Variants in EXOC6B observed in about 807,000 individuals in gnomAD.
EXOC6B encodes the protein exocyst complex component 6B, also known as SEC15 homolog B.
Under a neutral mutation model 113.5 loss-of-function variants are expected in EXOC6B, and 54 were observed. The ratio of observed to expected loss-of-function variants is 0.48; its 90% CI spans 0.38 to 0.60. The LOEUF (loss-of-function observed/expected upper bound fraction) is 0.60, where lower values mean the gene tolerates loss of function less well. EXOC6B is among the 20% of genes least tolerant of loss of function. EXOC6B has a pLI of 0.00. For missense variants in EXOC6B, 797 were observed against 977.5 expected, an observed-to-expected ratio of 0.82 and a Z score of 2.46; for synonymous variants, 357 against 339.0, an observed-to-expected ratio of 1.05 and a Z score of -0.58.
At chr2:72,531,900 G>A (rs1339288501) in intron 8 of EXOC6B, among the ~76,000 whole-genome samples, 3 of 152,074 alleles carry the variant, frequency 2.0e-5, no homozygotes, top group African/African-American at 4.8e-5. Context: ...CAGGAGAATC[G>A]CTTGAACCCA....
At chr2:72,736,917 G>C (rs1681006513) in intron 2 of EXOC6B, among the ~76,000 whole-genome samples, 1 of 151,216 alleles carries the variant, frequency 6.6e-6, no homozygotes, top group Admixed American at 6.6e-5. Context: ...CACAGGTCCT[G>C]GCAGGAAACC....
chr2:72,575,555 A>G lies in EXOC6B; in HGVS notation c.783T>C (p.Thr261=). Residue 261 remains threonine (T), a synonymous_variant, in exon 7 of 22, where the codon ACT becomes ACC. Transcript: ENST00000272427. Reference sequence around the variant, plus strand: ...CTGAATCCTGTTCAGACTTCGGACTAGTACTTTCTATCTCTGTATCAAAGA... The same window carrying G: ...CTGAATCCTGTTCAGACTTCGGACTGGTACTTTCTATCTCTGTATCAAAGA... ...YIIFDTEIES[T]SPKSEQDSGI... 1 of 1,611,856 alleles carries G rather than the reference A, an allele frequency of 6.2e-7. No homozygotes were observed. The highest frequency in any genetic ancestry group is 1.1e-5 in the South Asian group (1 of 90,530).
intron 7 of EXOC6B, among the ~76,000 whole-genome samples, chr2:72,572,325 C>T (rs1314592324): frequency 6.6e-6 from 1 of 152,176 alleles, no homozygotes; most frequent in South Asian, 2.1e-4. Context: ...TGTATAATCA[C>T]AATCTGCATT....
intron 6 of EXOC6B, among the ~76,000 whole-genome samples, chr2:72,607,657 C>T (rs1299223990): frequency 6.6e-6 from 1 of 152,024 alleles, no homozygotes; most frequent in Non-Finnish European, 1.5e-5. Flanking sequence ...AAAAAATCAG[C>T]CTTCCTTTTT....
chr2:72,506,456 T>A (rs1700600340), intron 11 of EXOC6B, among the ~76,000 whole-genome samples: 1 of 152,194 alleles, frequency 6.6e-6, no homozygotes, highest in African/African-American at 2.4e-5. Flanking sequence ...GTTTGAGTTA[T>A]GAACTCTGGA....
intron 20 of EXOC6B, among the ~76,000 whole-genome samples, chr2:72,190,588 G>A (rs1160155631): frequency 6.6e-6 from 1 of 152,008 alleles, no homozygotes; most frequent in African/African-American, 2.4e-5. Flanking sequence ...ATTCATTCCT[G>A]TAGATAACCA....
chr2:72,766,329 A>T (rs945139692), intron 1 of EXOC6B, among the ~76,000 whole-genome samples: 1 of 152,204 alleles, frequency 6.6e-6, no homozygotes, highest in Admixed American at 6.5e-5. Context: ...GGAAGAAAAC[A>T]CTATCCAAAA....
chr2:72,271,002 G>T (rs1164642475), intron 20 of EXOC6B, among the ~76,000 whole-genome samples: 1 of 152,140 alleles, frequency 6.6e-6, no homozygotes, highest in Non-Finnish European at 1.5e-5. Flanking sequence ...AGCAATGTTT[G>T]CTAGCAGTTC....
intron 20 of EXOC6B, among the ~76,000 whole-genome samples, chr2:72,295,767 G>C (rs979943913): frequency 1.1e-4 from 16 of 152,044 alleles, no homozygotes; most frequent in African/African-American, 3.9e-4. Context: ...CTACCTAAAG[G>C]CTGACCATTA....
intron 6 of EXOC6B, among the ~76,000 whole-genome samples, chr2:72,662,481 A>G (rs1395750754): frequency 6.6e-6 from 1 of 152,230 alleles, no homozygotes; most frequent in African/African-American, 2.4e-5. Context: ...AAACAATCCA[A>G]TTTAAAAGTG....
intron 20 of EXOC6B, among the ~76,000 whole-genome samples, chr2:72,312,037 A>G (rs914658539): frequency 4.6e-5 from 7 of 152,180 alleles, no homozygotes; most frequent in African/African-American, 1.7e-4. Context: ...TGACCACACA[A>G]ATTTGAATTT....
At chr2:72,771,437 T>G (rs1683398548) in intron 1 of EXOC6B, among the ~76,000 whole-genome samples, 1 of 152,190 alleles carries the variant, frequency 6.6e-6, no homozygotes, top group Non-Finnish European at 1.5e-5. Flanking sequence ...CTCCTCTCTC[T>G]TACATAATGA....
intron 21 of EXOC6B, among the ~76,000 whole-genome samples, chr2:72,181,305 C>G (rs906632839): frequency 6.6e-6 from 1 of 151,856 alleles, no homozygotes; most frequent in African/African-American, 2.4e-5. Flanking sequence ...ATATAAGGTA[C>G]GACCACCCAC....
At chr2:72,493,349 G>A (rs779271201) in intron 15 of EXOC6B, among the ~76,000 whole-genome samples, 116 of 133,650 alleles carry the variant, frequency 8.7e-4, no homozygotes, top group South Asian at 2.4e-3. Flanking sequence ...TTTTACATAG[G>A]AAGCAATATT....
In EXOC6B at chr2:72,407,296, G is replaced by A. The variant is rs565398095; in HGVS notation, c.1981-27426C>T. On this transcript the variant is annotated intron_variant, in intron 18 of 21. Transcript: ENST00000272427. ...AATTCTACCAGAGGTACAAGGAGGA[G>A]CTGGTACCATTCCTTCTGAAACTAT... Among the ~76,000 whole-genome samples, 21 of 152,290 alleles carry A rather than the reference G, an allele frequency of 1.4e-4. 1 individual carries two copies. The highest frequency in any genetic ancestry group is 4.6e-4 in the African/African-American group (19 of 41,550).
intron 19 of EXOC6B, among the ~76,000 whole-genome samples, chr2:72,355,742 C>CAGGT (rs1444177172): frequency 6.6e-6 from 1 of 152,168 alleles, no homozygotes; most frequent in Non-Finnish European, 1.5e-5. Context: ...CTAAGGATAG[C>CAGGT]AGGTAAGGGA....
chr2:72,767,946 G>A (rs1187950102), intron 1 of EXOC6B, among the ~76,000 whole-genome samples: 4 of 149,478 alleles, frequency 2.7e-5, no homozygotes, highest in Admixed American at 1.3e-4. Context: ...GCGAAACCCC[G>A]TCTCCACTAA....
At chr2:72,814,332 G>A (rs571551534) in intron 1 of EXOC6B, among the ~76,000 whole-genome samples, 1 of 152,288 alleles carries the variant, frequency 6.6e-6, no homozygotes, top group South Asian at 2.1e-4. Context: ...TATAAAAGAA[G>A]TTCGTTATTG....
At chr2:72,721,237 G>A (rs1246199364) in intron 5 of EXOC6B, among the ~76,000 whole-genome samples, 3 of 151,658 alleles carry the variant, frequency 2.0e-5, no homozygotes, top group Non-Finnish European at 4.4e-5. Flanking sequence ...GCTGAAGCAG[G>A]AGAATTGCTT....
Sources: allele counts gnomAD v4.1 joint callset (sites outside exome capture counted in the v4.1 genomes callset), GRCh38; gene constraint gnomAD v4.1.1; transcripts MANE v1.5; gene names NCBI Gene and HGNC (gene_info 2026-07-23, HGNC 2026-07-21).